SLC7A14: variants seen among roughly 807,000 people sequenced by gnomAD.
The protein encoded by SLC7A14 is solute carrier family 7 member 14.
In SLC7A14, 37 loss-of-function variants were observed where a neutral mutation model predicts 60.2. The ratio of observed to expected loss-of-function variants is 0.61; its 90% CI spans 0.47 to 0.81. The LOEUF is 0.81. SLC7A14 is among the 30% of genes least tolerant of loss of function. SLC7A14 has a pLI of 0.00. For synonymous variants in SLC7A14, 399 were observed against 395.8 expected (o/e 1.01, Z -0.10); for missense variants, 886 against 982.7 (o/e 0.90, Z 1.32).
At chr3:170,552,628 C>G (rs1263494330) in intron 1 of SLC7A14, among the ~76,000 whole-genome samples, 1 of 152,124 alleles carries the variant, frequency 6.6e-6, no homozygotes, top group East Asian at 1.9e-4. Context: ...CACTGTGTCC[C>G]CCAACTGTTT....
chr3:170,529,335 G>A (rs1713605863), intron 1 of SLC7A14, among the ~76,000 whole-genome samples: 1 of 152,140 alleles, frequency 6.6e-6, no homozygotes, highest in South Asian at 2.1e-4. Context: ...TTAACAATAT[G>A]TTAGAATGTT....
At chr3:170,523,330 T>C (rs959824902) in intron 2 of SLC7A14, among the ~76,000 whole-genome samples, 1 of 152,240 alleles carries the variant, frequency 6.6e-6, no homozygotes, top group African/African-American at 2.4e-5. Context: ...TCCCACTCTT[T>C]ATCATTTCCA....
chr3:170,483,616 G>A (rs1711919517), intron 5 of SLC7A14, 94 bp from the exon 6 acceptor site: 1 of 1,343,612 alleles, frequency 7.4e-7, no homozygotes, highest in Non-Finnish European at 1.1e-6. Flanking sequence ...GCCCCTGGAG[G>A]CAGAGGCTTG....
chr3:170,567,258 G>A (rs1442926904), intron 1 of SLC7A14, among the ~76,000 whole-genome samples: 2 of 150,084 alleles, frequency 1.3e-5, no homozygotes, highest in African/African-American at 2.5e-5. Flanking sequence ...AATATGCGGT[G>A]TTTTGTTTTT....
chr3:170,495,692 C>G, intron 4 of SLC7A14: 1 of 989,940 alleles, frequency 1.0e-6, no homozygotes, highest in Non-Finnish European at 1.6e-6. Flanking sequence ...ATCCCAATAT[C>G]CAGGCCATGC....
intron 1 of SLC7A14, among the ~76,000 whole-genome samples, chr3:170,584,362 A>G (rs1715318695): frequency 6.6e-6 from 1 of 152,212 alleles, no homozygotes. Context: ...CTGATTCCTG[A>G]AAGCCACAGA....
chr3:170,519,933 G>A (rs1165596560), intron 2 of SLC7A14, among the ~76,000 whole-genome samples: 3 of 152,222 alleles, frequency 2.0e-5, no homozygotes, highest in African/African-American at 7.2e-5. Context: ...GAAGCCAAAT[G>A]TCTGACTGGC....
At chr3:170,566,799 T>TTA (rs1382880861) in intron 1 of SLC7A14, among the ~76,000 whole-genome samples, 2 of 151,436 alleles carry the variant, frequency 1.3e-5, no homozygotes, top group African/African-American at 4.8e-5. Flanking sequence ...GAGGATCACC[T>TTA]TATAGTTCAG....
At chr3:170,581,295 C>T (rs1715226223) in intron 1 of SLC7A14, among the ~76,000 whole-genome samples, 2 of 152,162 alleles carry the variant, frequency 1.3e-5, no homozygotes, top group Non-Finnish European at 2.9e-5. Context: ...CTCTCACCCC[C>T]TCACACTGAG....
At chr3:170,483,213 A>T (rs2108270301) in intron 6 of SLC7A14, 101 bp downstream of exon 6, 1 of 1,355,554 alleles carries the variant, frequency 7.4e-7, no homozygotes. Context: ...TCCATGTGAA[A>T]GGCACTGATG....
At chr3:170,524,076 T>C (rs2108292302) in intron 2 of SLC7A14, among the ~76,000 whole-genome samples, 1 of 152,280 alleles carries the variant, frequency 6.6e-6, no homozygotes, top group East Asian at 1.9e-4. Flanking sequence ...TAGGGTTTTT[T>C]CTTCTTGTGC....
Position 170,537,697 on chromosome 3 carries a change from A to G in SLC7A14, c.-152-10609T>C, listed in dbSNP as rs115292612. ...TGTCTGTCAAGAATACTCATGGTAG[A>G]GTCATTTACTCAGCTGCTTTCAGAG... On this transcript the variant is annotated intron_variant, in intron 1 of 7. Transcript: ENST00000231706. Among the ~76,000 whole-genome samples, 1,058 of 152,362 alleles carry G rather than the reference A, an allele frequency of 6.9e-3. 3 individuals carry two copies. The highest frequency in any genetic ancestry group is 0.012 in the Non-Finnish European group (797 of 68,038).
Position 170,460,141 on chromosome 3 carries a change from C to A in SLC7A14, c.*6914G>T, listed in dbSNP as rs569665066. 6.6e-6 allele frequency: 1 copy of A among 151,940 alleles called. No homozygotes were observed. Among genetic ancestry groups the A allele is most frequent in the Non-Finnish European group, 1.5e-5 (1 of 67,994 alleles). 9.4% of individuals were successfully genotyped at this position (151,940 alleles called of 1,614,324 possible). A position where few individuals can be genotyped will look rare whatever the true frequency, so the allele number is the denominator to read the frequency against. ...CTTTAACAAATACAGCAATTTCATA[C>A]CAAAAAAAGATAGCAGAGAACAACA... On this transcript the variant is annotated 3_prime_UTR_variant, in exon 8 of 8. Coordinates refer to ENST00000231706, the MANE Select transcript of SLC7A14 (RefSeq NM_020949.3).
intron 3 of SLC7A14, 87 bp downstream of exon 3, chr3:170,501,022 T>C: frequency 1.6e-6 from 2 of 1,278,586 alleles, no homozygotes; most frequent in South Asian, 2.5e-5. Flanking sequence ...TTTGATACAT[T>C]TTGCCAAATT....
chr3:170,564,506 C>T (rs1376068172), intron 1 of SLC7A14, among the ~76,000 whole-genome samples: 1 of 152,226 alleles, frequency 6.6e-6, no homozygotes, highest in Non-Finnish European at 1.5e-5. Flanking sequence ...AGGGGTCTCC[C>T]TCCAGTTTAC....
chr3:170,506,947 T>C (rs1233654695), intron 2 of SLC7A14, among the ~76,000 whole-genome samples: 3 of 152,182 alleles, frequency 2.0e-5, no homozygotes, highest in Non-Finnish European at 4.4e-5. Context: ...TTATGTTGCC[T>C]GATCATAAGT....
chr3:170,522,661 G>A (rs538961683), intron 2 of SLC7A14, among the ~76,000 whole-genome samples: 1 of 152,166 alleles, frequency 6.6e-6, no homozygotes, highest in Non-Finnish European at 1.5e-5. Context: ...ACTACAAAGA[G>A]GCAGCCTGGA....
chr3:170,583,443 C>T (rs191310846), intron 1 of SLC7A14, among the ~76,000 whole-genome samples: 10 of 152,238 alleles, frequency 6.6e-5, no homozygotes, highest in South Asian at 4.1e-4. Flanking sequence ...CTGATGCTGA[C>T]GTTTAGTCAA....
At chr3:170,497,979 A>G (rs1338531169) in intron 4 of SLC7A14, among the ~76,000 whole-genome samples, 1 of 152,242 alleles carries the variant, frequency 6.6e-6, no homozygotes, top group Non-Finnish European at 1.5e-5. Context: ...ACAGCCCTCC[A>G]TTAGGCCAGC....
Sources: gnomAD v4.1 joint callset for allele counts (sites outside exome capture counted in the v4.1 genomes callset) on GRCh38, gnomAD v4.1.1 for gene constraint, MANE v1.5 for transcripts, NCBI Gene and HGNC (gene_info 2026-07-23, HGNC 2026-07-21) for gene names.